ADGRL3: variants seen among roughly 807,000 people sequenced by gnomAD.
ADGRL3 encodes the protein adhesion G protein-coupled receptor L3.
A neutral mutation model predicts 153.5 loss-of-function variants in ADGRL3; 62 were observed. The observed-to-expected ratio is 0.40, with a 90% CI of 0.33 to 0.50. ADGRL3 has a LOEUF of 0.50. Ranked by LOEUF, ADGRL3 falls within the 20% of genes least tolerant of loss-of-function variation. The pLI, the probability that ADGRL3 is intolerant of heterozygous loss-of-function variation, is 0.47. For missense variants in ADGRL3, 1,641 were observed against 1,859.4 expected (o/e 0.88, Z 2.16); for synonymous variants, 710 against 672.5 (o/e 1.06, Z -0.86).
chr4:62,022,280 G>C (rs1002912194), intron 21 of ADGRL3, among the ~76,000 whole-genome samples: 1 of 152,208 alleles, frequency 6.6e-6, no homozygotes, highest in Non-Finnish European at 1.5e-5. Flanking sequence ...AAGGCTGAGA[G>C]AGGTGAGAAA....
chr4:61,531,410 G>C (rs2098613659), intron 4 of ADGRL3, among the ~76,000 whole-genome samples: 1 of 152,170 alleles, frequency 6.6e-6, no homozygotes, highest in Non-Finnish European at 1.5e-5. Context: ...TGTGGAAAGG[G>C]AAAAGAGGTG....
intron 2 of ADGRL3, among the ~76,000 whole-genome samples, chr4:61,417,766 A>G (rs2097160708): frequency 6.6e-6 from 1 of 151,880 alleles, no homozygotes; most frequent in African/African-American, 2.4e-5. Flanking sequence ...AGTTGGGTCC[A>G]CTCCTTGAAT....
intron 11 of ADGRL3, among the ~76,000 whole-genome samples, chr4:61,903,668 A>T (rs1410084020): frequency 5.6e-5 from 8 of 143,424 alleles, no homozygotes; most frequent in African/African-American, 2.0e-4. Context: ...AAAAAAAAAA[A>T]AAAAAAAAAA....
intron 5 of ADGRL3, among the ~76,000 whole-genome samples, chr4:61,669,275 G>A (rs766469112): frequency 2.0e-5 from 3 of 151,972 alleles, no homozygotes; most frequent in Non-Finnish European, 4.4e-5. Flanking sequence ...TCTACCATTA[G>A]ATAGTTGTCT....
chr4:61,310,349 A>G (rs542587864), intron 1 of ADGRL3, among the ~76,000 whole-genome samples: 1 of 152,114 alleles, frequency 6.6e-6, no homozygotes, highest in African/African-American at 2.4e-5. Flanking sequence ...TGCCCAAAGC[A>G]TTGATTTCTG....
intron 2 of ADGRL3, among the ~76,000 whole-genome samples, chr4:61,456,792 TA>T (rs2097761154): frequency 6.6e-6 from 1 of 151,900 alleles, no homozygotes; most frequent in Non-Finnish European, 1.5e-5. Context: ...ATTTGTCAGT[TA>T]AAATTCAGTC....
At chr4:61,459,808 A>G (rs1246628243) in intron 2 of ADGRL3, among the ~76,000 whole-genome samples, 1 of 152,056 alleles carries the variant, frequency 6.6e-6, no homozygotes, top group African/African-American at 2.4e-5. Context: ...AGTGATATTG[A>G]GCATTTTTTT....
chr4:61,869,958 A>AAAAAAAAAAAAAAAAAAAAAAC (rs2098429557), intron 9 of ADGRL3, among the ~76,000 whole-genome samples: 1 of 111,770 alleles, frequency 8.9e-6, no homozygotes, highest in African/African-American at 3.4e-5. Context: ...AAAAAAAAAA[A>AAAAAAAAAAAAAAAAAAAAAAC]AAAGAGAGAG....
intron 6 of ADGRL3, 149 bp downstream of exon 6, chr4:61,677,084 C>T: frequency 1.7e-6 from 1 of 585,630 alleles, no homozygotes; most frequent in Non-Finnish European, 3.1e-6. Flanking sequence ...CATAGACCCT[C>T]CCTGCCATCA....
chr4:61,739,778 A>C (rs926315749), intron 8 of ADGRL3, among the ~76,000 whole-genome samples: 1 of 152,220 alleles, frequency 6.6e-6, no homozygotes, highest in Non-Finnish European at 1.5e-5. Flanking sequence ...GAGCTTTGGT[A>C]ATCTAAGGGG....
intron 8 of ADGRL3, among the ~76,000 whole-genome samples, chr4:61,750,182 TAAAAAA>T (rs60768535): frequency 0.14 from 12,872 of 94,900 alleles, 1,358 homozygotes; most frequent in African/African-American, 0.32. Context: ...AGGGGATGGT[TAAAAAA>T]AAAAAAAAAA....
chr4:61,846,948 A>ATGTGTGTGTGTGTGTGTGTG lies in ADGRL3; in HGVS notation c.1480+33063_1480+33082dup, dbSNP rs72301670. Among the ~76,000 whole-genome samples the ATGTGTGTGTGTGTGTGTGTG allele has an allele frequency of 5.2e-3, 762 of 145,878 alleles. 6 individuals are homozygous for ATGTGTGTGTGTGTGTGTGTG. The highest frequency in any genetic ancestry group is 0.017 in the African/African-American group (661 of 38,614). On this transcript the variant is annotated intron_variant, in intron 9 of 26. Transcript: ENST00000683033. ...AGCCGTGAGGGATATTTTATATATT[A>ATGTGTGTGTGTGTGTGTGTG]TGTGTGTGTGTGTGTGTGTGTGTAT...
chr4:61,501,583 G>T (rs1189435669), intron 3 of ADGRL3, among the ~76,000 whole-genome samples: 2 of 151,984 alleles, frequency 1.3e-5, no homozygotes. Context: ...CAAAATTATT[G>T]TCAATATTAC....
intron 13 of ADGRL3, among the ~76,000 whole-genome samples, chr4:61,918,591 A>G (rs1407812988): frequency 6.6e-6 from 1 of 152,154 alleles, no homozygotes; most frequent in Non-Finnish European, 1.5e-5. Flanking sequence ...AATAGAGACT[A>G]AAAAACAGGC....
At chr4:61,885,168 C>T (rs935560830) in intron 9 of ADGRL3, among the ~76,000 whole-genome samples, 1 of 151,790 alleles carries the variant, frequency 6.6e-6, no homozygotes, top group Admixed American at 6.6e-5. Flanking sequence ...CCCAGCTGCT[C>T]AGGAAGCTGA....
chr4:61,285,542 AG>A (rs2093903456), intron 1 of ADGRL3, among the ~76,000 whole-genome samples: 1 of 151,812 alleles, frequency 6.6e-6, no homozygotes, highest in Non-Finnish European at 1.5e-5. Context: ...GTATCCTCAA[AG>A]CTGTCCTGTG....
chr4:61,324,849 GT>G (rs2095433547), intron 1 of ADGRL3, among the ~76,000 whole-genome samples: 3 of 152,038 alleles, frequency 2.0e-5, no homozygotes, highest in Admixed American at 2.0e-4. Flanking sequence ...TGTGAATATA[GT>G]ACTTACATTG....
At chr4:61,486,037 A>G (rs2098189144) in intron 2 of ADGRL3, among the ~76,000 whole-genome samples, 1 of 151,600 alleles carries the variant, frequency 6.6e-6, no homozygotes, top group Non-Finnish European at 1.5e-5. Flanking sequence ...TCCGCCTCCC[A>G]GGTTCACGCC....
chr4:61,352,750 C>A (rs1195428605), intron 1 of ADGRL3, among the ~76,000 whole-genome samples: 2 of 152,164 alleles, frequency 1.3e-5, no homozygotes, highest in Non-Finnish European at 2.9e-5. Context: ...TCACAATATT[C>A]ACTTGATTGT....
Sources: allele counts gnomAD v4.1 joint callset (sites outside exome capture counted in the v4.1 genomes callset), GRCh38; gene constraint gnomAD v4.1.1; transcripts MANE v1.5; gene names NCBI Gene and HGNC (gene_info 2026-07-23, HGNC 2026-07-21).